IWS1: variants seen among roughly 807,000 people sequenced by gnomAD.
The protein encoded by IWS1 is protein IWS1 homolog.
In IWS1, 27 loss-of-function variants were observed where a neutral mutation model predicts 86.7. That is an observed-to-expected ratio of 0.31 (90% CI 0.23 to 0.43). The LOEUF (loss-of-function observed/expected upper bound fraction) is 0.43. Among genes scored for constraint, IWS1 ranks in the 20% least tolerant of loss-of-function variants. The pLI is 1.00. For missense variants in IWS1, 827 were observed against 1,000.8 expected (o/e 0.83, Z 2.34); for synonymous variants, 313 against 335.1 (o/e 0.93, Z 0.72).
At chr2:127,507,118 A>G (rs1046133599) in intron 2 of IWS1, among the ~76,000 whole-genome samples, 3 of 152,208 alleles carry the variant, frequency 2.0e-5, no homozygotes, top group Non-Finnish European at 2.9e-5. Flanking sequence ...AGAGCCTTTA[A>G]TAATATATAT....
intron 2 of IWS1, among the ~76,000 whole-genome samples, chr2:127,518,588 A>T (rs1462329290): frequency 1.5e-5 from 2 of 133,210 alleles, no homozygotes; most frequent in African/African-American, 3.0e-5. Context: ...TTTTTGAGGC[A>T]GAGTTTTGCT....
chr2:127,505,847 A>C lies in IWS1; in HGVS notation c.151-95T>G. The C allele has an allele frequency of 1.2e-6, 1 of 843,980 alleles. No homozygotes were observed. Among genetic ancestry groups the C allele is most frequent in the East Asian group, 2.7e-5 (1 of 36,366 alleles). 52.3% of individuals were successfully genotyped at this position (843,980 alleles called of 1,614,324 possible). A position where few individuals can be genotyped will look rare whatever the true frequency, so the allele number is the denominator to read the frequency against. On this transcript the variant is annotated intron_variant, in intron 2 of 13. Coordinates refer to ENST00000295321, the MANE Select transcript of IWS1 (RefSeq NM_017969.3). The surrounding 1 kb of genome is among the most constrained non-coding windows in gnomAD (Gnocchi z 5.0). ...ATTTTTTCTGTGATTTTTTTAAAAT[A>C]CAGGATTATGTGCACCTAAATGGAG...
intron 12 of IWS1, chr2:127,488,061 C>G (rs1382889746): frequency 6.5e-6 from 1 of 153,200 alleles, no homozygotes; most frequent in African/African-American, 2.4e-5. Context: ...TCTGCAGCAC[C>G]TGCCACTGGC....
rs776429051 is a variant in IWS1 at position 127,505,117 on chromosome 2, G to A, written c.786C>T (p.Asp262=). The part of the protein sequence containing the change: ...SEDPPRHQAS[D]SENEELPKPR... ...GTTTGGGAAGCTCTTCATTTTCTGA[G>A]TCACTGGCCTGGTGCCTCGGAGGGT... Residue 262 remains aspartate, a synonymous_variant, in exon 3 of 14, where the codon GAC becomes GAT. Coordinates refer to ENST00000295321, the MANE Select transcript of IWS1 (RefSeq NM_017969.3). This position sits in a 1 kb window ranked among gnomAD's most constrained non-coding sequence, Gnocchi z 5.0. 6.2e-7 allele frequency: 1 copy of A among 1,610,414 alleles called. No homozygotes were observed. Among genetic ancestry groups the A allele is most frequent in the African/African-American group, 1.3e-5 (1 of 74,652 alleles).
chr2:127,505,207 G>A lies in IWS1; in HGVS notation c.696C>T (p.His232=). Residue 232 remains histidine, a synonymous_variant, in exon 3 of 14, where the codon CAC becomes CAT. Coordinates refer to ENST00000295321, the MANE Select transcript of IWS1 (RefSeq NM_017969.3). The surrounding 1 kb of genome is among the most constrained non-coding windows in gnomAD (Gnocchi z 5.0). ...SDSESEEPPR[H]QASDSENEEL... ...CCTCATTTTCAGAGTCACTGGCCTG[G>A]TGCCTTGGGGGTTCCTCACTTTCTG... 1.2e-6 allele frequency: 2 copies of A among 1,613,788 alleles called. No homozygotes were observed. The highest frequency in any genetic ancestry group is 1.7e-6 in the Non-Finnish European group (2 of 1,179,902).
Position 127,505,682 on chromosome 2 carries a change from G to A in IWS1, c.221C>T (p.Pro74Leu). The A allele has an allele frequency of 6.2e-7, 1 of 1,613,470 alleles. No individual in the cohort carries two copies. The highest frequency in any genetic ancestry group is 8.5e-7 in the Non-Finnish European group (1 of 1,179,882). The part of the protein sequence containing the change: ...HHVTDSENDE[P>L]LNLNASDSES... ...AGAGTCACTAGCATTAAGATTTAAGGGCTCATCGTTCTCAGAGTCTGTCAC... is the reference window on the plus strand; with the variant it reads ...AGAGTCACTAGCATTAAGATTTAAGAGCTCATCGTTCTCAGAGTCTGTCAC... The change falls in exon 3 of 14, where the codon CCC becomes CTC. Residue 74 changes from proline (P) to leucine (L), a missense_variant. Transcript: ENST00000295321. The surrounding 1 kb of genome is among the most constrained non-coding windows in gnomAD (Gnocchi z 5.0).
At chr2:127,519,688 A>G (rs1691980499) in intron 2 of IWS1, among the ~76,000 whole-genome samples, 1 of 152,186 alleles carries the variant, frequency 6.6e-6, no homozygotes, top group Non-Finnish European at 1.5e-5. Context: ...ACCTGTGAAT[A>G]TGTCACTTTA....
chr2:127,525,154 T>A (rs1009453577), intron 1 of IWS1, among the ~76,000 whole-genome samples: 7 of 148,616 alleles, frequency 4.7e-5, no homozygotes, highest in Non-Finnish European at 7.4e-5. Flanking sequence ...GTGGTGTTGG[T>A]CTCACTATGT....
At chr2:127,523,538 T>C in intron 2 of IWS1, 138 bp downstream of exon 2, 1 of 581,634 alleles carries the variant, frequency 1.7e-6, no homozygotes, top group Non-Finnish European at 3.0e-6. Flanking sequence ...TTCAAGCGGT[T>C]TTCTATTAAC....
At chr2:127,502,325 CCT>C (rs1690865828) in intron 5 of IWS1, among the ~76,000 whole-genome samples, 1 of 151,980 alleles carries the variant, frequency 6.6e-6, no homozygotes, top group African/African-American at 2.4e-5. Context: ...ATATGAGTAG[CCT>C]CTCAGCCTGA....
chr2:127,490,060 A>C, intron 10 of IWS1, 117 bp from the exon 11 acceptor site: 1 of 686,238 alleles, frequency 1.5e-6, no homozygotes, highest in South Asian at 1.7e-5. Context: ...CTTTCCTTGA[A>C]GAGTCCATTA....
At chr2:127,514,016 G>A (rs1258964068) in intron 2 of IWS1, among the ~76,000 whole-genome samples, 2 of 152,160 alleles carry the variant, frequency 1.3e-5, no homozygotes, top group Non-Finnish European at 2.9e-5. Context: ...GCACCTGACC[G>A]GAATGAGAAC....
At chr2:127,512,294 C>G (rs539631786) in intron 2 of IWS1, among the ~76,000 whole-genome samples, 20 of 152,234 alleles carry the variant, frequency 1.3e-4, no homozygotes, top group African/African-American at 4.8e-4. Context: ...GTAAAAATAA[C>G]AAAAACTAGA....
chr2:127,510,985 C>T (rs1691418254), intron 2 of IWS1, among the ~76,000 whole-genome samples: 1 of 152,190 alleles, frequency 6.6e-6, no homozygotes, highest in African/African-American at 2.4e-5. Flanking sequence ...GACATGTGGT[C>T]CACATGATTC....
At position 127,499,937 on chromosome 2, in the gene IWS1, C is replaced by G. The variant is rs188801967; in HGVS notation, c.1468-1700G>C. Among the ~76,000 whole-genome samples, 1 of 152,256 alleles carries G rather than the reference C, an allele frequency of 6.6e-6. No homozygotes were observed. The highest frequency in any genetic ancestry group is 1.5e-5 in the Non-Finnish European group (1 of 68,008). ...TCAAATAAGGAAAAAAATCTTGACT[C>G]TTACCTCATACCACATACGAAACCA... On this transcript the variant is annotated intron_variant, in intron 5 of 13. Transcript: ENST00000295321. The surrounding 1 kb of genome is among the most constrained non-coding windows in gnomAD (Gnocchi z 4.0).
chr2:127,484,443 G>A (rs1365638132), intron 13 of IWS1: 1 of 152,122 alleles, frequency 6.6e-6, no homozygotes, highest in Non-Finnish European at 1.5e-5. Flanking sequence ...TTCTTTTCCT[G>A]GACATGTCTT....
chr2:127,526,457 C>A lies in IWS1; in HGVS notation c.-249G>T, dbSNP rs1409519784. Reference sequence around the variant, plus strand: ...AGGCATGCGAGCCGGCGTTCTACTTCCTAGAAGCACCGCTGGGGCCAAAAT... The same window carrying A: ...AGGCATGCGAGCCGGCGTTCTACTTACTAGAAGCACCGCTGGGGCCAAAAT... On this transcript the variant is annotated 5_prime_UTR_variant, in exon 1 of 14. Coordinates refer to ENST00000295321, the MANE Select transcript of IWS1 (RefSeq NM_017969.3). 1 of 1,531,966 alleles carries A rather than the reference C, an allele frequency of 6.5e-7. No individual in the cohort carries two copies. Among genetic ancestry groups the A allele is most frequent in the Non-Finnish European group, 8.8e-7 (1 of 1,139,256 alleles). The allele number at this position is 1,531,966 out of a possible 1,614,324, so 94.9% of individuals were successfully genotyped here. A position where few individuals can be genotyped will look rare whatever the true frequency, so the allele number is the denominator to read the frequency against.
intron 2 of IWS1, among the ~76,000 whole-genome samples, chr2:127,511,693 ACACT>A (rs1264259698): frequency 6.6e-6 from 1 of 152,236 alleles, no homozygotes; most frequent in African/African-American, 2.4e-5. Context: ...CACTCAAAAT[ACACT>A]CACTAAAATG....
At chr2:127,495,682 T>G (rs1409397889) in intron 7 of IWS1, among the ~76,000 whole-genome samples, 2 of 152,240 alleles carry the variant, frequency 1.3e-5, no homozygotes, top group Admixed American at 6.5e-5. Context: ...CATGAATTTG[T>G]AACACCTTTT....
Sources: allele counts gnomAD v4.1 joint callset (sites outside exome capture counted in the v4.1 genomes callset), GRCh38; gene constraint gnomAD v4.1.1; non-coding constraint Gnocchi (gnomAD v3.1); transcripts MANE v1.5; gene names NCBI Gene and HGNC (gene_info 2026-07-23, HGNC 2026-07-21).